MYO5C: variants seen among roughly 807,000 people sequenced by gnomAD.
The protein encoded by MYO5C is myosin VC.
Under a neutral mutation model 235.7 loss-of-function variants are expected in MYO5C, and 194 were observed. That is an observed-to-expected ratio of 0.82 (90% confidence interval 0.73 to 0.93). The LOEUF (loss-of-function observed/expected upper bound fraction) is 0.93, where lower values mean the gene tolerates loss of function less well. MYO5C is among the 40% of genes least tolerant of loss of function. The probability of loss-of-function intolerance (pLI) is 0.00; values close to 1 mark genes in which losing one functional copy is unlikely to be tolerated. For synonymous variants in MYO5C, 707 were observed against 754.8 expected (o/e 0.94, Z 1.04); for missense variants, 2,038 against 2,127.2 (o/e 0.96, Z 0.82).
At chr15:52,197,906 G>A (rs111967235) in intron 38 of MYO5C, among the ~76,000 whole-genome samples, 1 of 152,016 alleles carries the variant, frequency 6.6e-6, no homozygotes, top group Non-Finnish European at 1.5e-5. Context: ...AAAGCGCTGG[G>A]ATTACAGGTG....
In MYO5C at chr15:52,253,251, T is replaced by C; in HGVS notation, c.1536+66A>G. The C allele has an allele frequency of 2.7e-6, 4 of 1,494,602 alleles. No homozygotes were observed. The South Asian group carries it at 4.8e-5, about 18-fold the overall frequency. 92.6% of individuals were successfully genotyped at this position (1,494,602 alleles called of 1,614,324 possible). On this transcript the variant is annotated intron_variant, in intron 12 of 40. Coordinates refer to ENST00000261839, the MANE Select transcript of MYO5C (RefSeq NM_018728.4). The stretch of plus-strand genomic sequence containing the variant: ...CTTCACAAGCACACTTCAAAAAAAC[T>C]GCTTTGCAAAATGCTCATCTGTTAC...
chr15:52,193,860 C>T lies in MYO5C; in HGVS notation c.*42G>A. 6.3e-7 allele frequency: 1 copy of T among 1,587,716 alleles called. No individual in the cohort carries two copies. On this transcript the variant is annotated 3_prime_UTR_variant, in exon 41 of 41. Coordinates refer to ENST00000261839, the MANE Select transcript of MYO5C (RefSeq NM_018728.4). Reference sequence around the variant, plus strand: ...AAACACATCCCTCATATTGAACCTTCACTTAGCTTTTGAAGAAAAAGTGCA... The same window carrying T: ...AAACACATCCCTCATATTGAACCTTTACTTAGCTTTTGAAGAAAAAGTGCA...
At chr15:52,247,343 A>G in intron 15 of MYO5C, 115 bp downstream of exon 15, 1 of 1,215,882 alleles carries the variant, frequency 8.2e-7, no homozygotes, top group African/African-American at 1.5e-5. Context: ...TTAGATTGGA[A>G]GAGCCCCAGC....
At chr15:52,295,269 G>A (rs749688371) in intron 1 of MYO5C, among the ~76,000 whole-genome samples, 5 of 152,240 alleles carry the variant, frequency 3.3e-5, no homozygotes, top group African/African-American at 4.8e-5. Flanking sequence ...CGCGACCCCT[G>A]GGCACTGGGG....
At position 52,211,900 on chromosome 15, in the gene MYO5C, C is replaced by A; in HGVS notation, c.4142-16G>T. 6.2e-7 allele frequency: 1 copy of A among 1,611,060 alleles called. No individual in the cohort carries two copies. Among genetic ancestry groups the A allele is most frequent in the East Asian group, 2.2e-5 (1 of 44,844 alleles). ...GGCTTCAAGTCTGAAGCAGAGAGAG[C>A]CAATGAGGATTACAGCTGACAGGTC... On this transcript the variant is annotated splice_polypyrimidine_tract_variant and intron_variant, in intron 34 of 40. Transcript: ENST00000261839.
chr15:52,271,473 C>T (rs1566989017), intron 7 of MYO5C, among the ~76,000 whole-genome samples: 1 of 152,110 alleles, frequency 6.6e-6, no homozygotes, highest in Non-Finnish European at 1.5e-5. Context: ...AGGTGATCCA[C>T]CCTCCTCAGC....
chr15:52,247,373 T>C, intron 15 of MYO5C, 85 bp downstream of exon 15: 3 of 1,471,224 alleles, frequency 2.0e-6, no homozygotes, highest in Non-Finnish European at 2.8e-6. Context: ...TGTCCAGGCC[T>C]GGAATGCGGG....
At chr15:52,221,091 G>T in intron 30 of MYO5C, 71 bp downstream of exon 30, 1 of 1,223,862 alleles carries the variant, frequency 8.2e-7, no homozygotes, top group Non-Finnish European at 1.2e-6. Context: ...TGAGTACAAG[G>T]ACATTTCAAT....
intron 19 of MYO5C, among the ~76,000 whole-genome samples, chr15:52,243,926 C>T (rs988018207): frequency 2.0e-5 from 3 of 152,348 alleles, no homozygotes; most frequent in Admixed American, 2.0e-4. Flanking sequence ...GCAGGGACCC[C>T]CTCTGCCATG....
chr15:52,262,673 G>A (rs2036721608), intron 9 of MYO5C, among the ~76,000 whole-genome samples: 4 of 152,180 alleles, frequency 2.6e-5, no homozygotes, highest in Admixed American at 2.0e-4. Flanking sequence ...TCCTGGTCAT[G>A]GCAAAAGGCC....
At chr15:52,238,384 T>C (rs1214120799) in intron 21 of MYO5C, among the ~76,000 whole-genome samples, 1 of 152,204 alleles carries the variant, frequency 6.6e-6, no homozygotes, top group Non-Finnish European at 1.5e-5. Context: ...GCACAAGCTG[T>C]GTAGCATGCA....
At chr15:52,210,936 G>C (rs943420677) in intron 35 of MYO5C, among the ~76,000 whole-genome samples, 1 of 152,232 alleles carries the variant, frequency 6.6e-6, no homozygotes, top group Non-Finnish European at 1.5e-5. Flanking sequence ...ACACCATGAA[G>C]AGATGATTGC....
chr15:52,235,597 C>G, intron 23 of MYO5C, 73 bp downstream of exon 23: 1 of 1,223,012 alleles, frequency 8.2e-7, no homozygotes, highest in South Asian at 1.5e-5. Flanking sequence ...GGTTCTAAAA[C>G]TGGTCAACCC....
In MYO5C at chr15:52,269,822, T is replaced by C. The variant is rs750983569; in HGVS notation, c.871A>G (p.Asn291Asp). ...TCATTCACACCCTCAATGACAGTAT[T>C]GCCTCCCATTCTTGTATAATTAAAT... ...EEFNYTRMGG[N>D]TVIEGVNDRA... The change falls in exon 8 of 41, where the codon AAT (asparagine) becomes GAT (aspartate). Residue 291 changes from asparagine (N) to aspartate (D), a missense_variant. Coordinates refer to ENST00000261839, the MANE Select transcript of MYO5C (RefSeq NM_018728.4). 3.1e-6 allele frequency: 5 copies of C among 1,613,866 alleles called. No individual in the cohort carries two copies. The highest frequency in any genetic ancestry group is 1.6e-4 in the Middle Eastern group (1 of 6,062).
In MYO5C at chr15:52,224,999, TAAG is replaced by T. The variant is rs1331439957; in HGVS notation, c.3366-21_3366-19del. ...CAGAGAGCCTGCAAAATAAGGAAGA[TAAG>T]AAAATCTATCATCTCTGTCACGTTT... On this transcript the variant is annotated intron_variant, in intron 27 of 40. Transcript: ENST00000261839. 1.2e-6 allele frequency: 2 copies of T among 1,613,762 alleles called. No homozygotes were observed. The highest frequency in any genetic ancestry group is 3.3e-5 in the Admixed American group (2 of 59,994).
intron 8 of MYO5C, among the ~76,000 whole-genome samples, chr15:52,265,816 C>A (rs537426623): frequency 6.6e-6 from 1 of 152,266 alleles, no homozygotes; most frequent in Admixed American, 6.5e-5. Flanking sequence ...TAGGAATGAG[C>A]CACTGCACCT....
intron 4 of MYO5C, among the ~76,000 whole-genome samples, chr15:52,276,844 T>C (rs1012039883): frequency 2.0e-5 from 3 of 152,182 alleles, no homozygotes; most frequent in Non-Finnish European, 4.4e-5. Context: ...AAGACTGTGA[T>C]GGTGGAAGCT....
rs1190815536 is a variant in MYO5C, at chr15:52,286,221, T to TG, written c.28-3330dup. Among the ~76,000 whole-genome samples the TG allele has an allele frequency of 2.9e-5, 4 of 135,846 alleles. No homozygotes were observed. The East Asian group carries it at 6.6e-4, about 22-fold the overall frequency. The allele number at this position is 135,846 out of a possible 152,430, so 89.1% of individuals were successfully genotyped here. ...GCAGCCGCCCCGTCCGGGAGGGAGGTGGGGGGTCAGCCCCCGCCAGGCCAG... is the reference window on the plus strand; with the variant it reads ...GCAGCCGCCCCGTCCGGGAGGGAGGTGGGGGGGTCAGCCCCCGCCAGGCCAG... On this transcript the variant is annotated intron_variant, in intron 1 of 40. Transcript: ENST00000261839.
Position 52,223,530 on chromosome 15 carries a change from G to A in MYO5C, c.3627+14C>T, listed in dbSNP as rs143143252. The A allele has an allele frequency of 3.8e-3, 6,153 of 1,609,406 alleles. 148 individuals are homozygous for A. The Admixed American group carries it at 0.045, about 12-fold the overall frequency. ...TATGATGGCCACGACTGGGGCCCCT[G>A]GCTGAGACCATACCATGTTCTCTGA... is the stretch of plus-strand genomic sequence containing the variant. On this transcript the variant is annotated intron_variant, in intron 29 of 40. Coordinates refer to ENST00000261839, the MANE Select transcript of MYO5C (RefSeq NM_018728.4).
Sources: gnomAD v4.1 joint callset for allele counts (sites outside exome capture counted in the v4.1 genomes callset) on GRCh38, gnomAD v4.1.1 for gene constraint, MANE v1.5 for transcripts, NCBI Gene and HGNC (gene_info 2026-07-23, HGNC 2026-07-21) for gene names.